Variants in CATSPERE observed in about 807,000 individuals in gnomAD.
CATSPERE encodes the protein catsper channel auxiliary subunit epsilon.
In CATSPERE, 93 loss-of-function variants were observed where a neutral mutation model predicts 114.1. The ratio of observed to expected loss-of-function variants is 0.81; its 90% CI spans 0.69 to 0.97. The LOEUF (loss-of-function observed/expected upper bound fraction) is 0.97, where lower values mean the gene tolerates loss of function less well. Ranked by LOEUF, CATSPERE falls within the 50% of genes least tolerant of loss-of-function variation. CATSPERE has a pLI of 0.00. For synonymous variants in CATSPERE, 341 were observed against 384.1 expected, an observed-to-expected ratio of 0.89 and a Z score of 1.31; for missense variants, 1,058 against 1,131.6, an observed-to-expected ratio of 0.93 and a Z score of 0.93.
intron 9 of CATSPERE, among the ~76,000 whole-genome samples, chr1:244,553,222 T>C (rs1016883086): frequency 8.5e-5 from 13 of 152,094 alleles, no homozygotes; most frequent in African/African-American, 3.1e-4. Context: ...ACTGTGTCTA[T>C]GTGTTGGTAT....
intron 8 of CATSPERE, among the ~76,000 whole-genome samples, chr1:244,536,590 A>G (rs534987085): frequency 6.6e-6 from 1 of 152,254 alleles, no homozygotes; most frequent in African/African-American, 2.4e-5. Flanking sequence ...TGTCTCCCCA[A>G]AGCACACAGA....
chr1:244,511,082 A>G (rs1675681067), intron 7 of CATSPERE, among the ~76,000 whole-genome samples: 1 of 151,966 alleles, frequency 6.6e-6, no homozygotes, highest in Non-Finnish European at 1.5e-5. Context: ...ACCTCAGGTG[A>G]TCCACCCACC....
chr1:244,572,832 A>C lies in CATSPERE; in HGVS notation c.1950+60A>C. The stretch of plus-strand genomic sequence containing the variant: ...TAATAAGTATAAAAGTATAATATTA[A>C]CATTTTTGTAAATGGATTTCCCTTC... On this transcript the variant is annotated intron_variant, in intron 11 of 21. Transcript: ENST00000366534. The C allele has an allele frequency of 6.2e-6, 7 of 1,126,940 alleles. No individual in the cohort carries two copies. The South Asian group carries it at 1.3e-4, about 20-fold the overall frequency. The allele number at this position is 1,126,940 out of a possible 1,614,324, so 69.8% of individuals were successfully genotyped here. A position where few individuals can be genotyped will look rare whatever the true frequency, so the allele number is the denominator to read the frequency against.
intron 20 of CATSPERE, among the ~76,000 whole-genome samples, chr1:244,620,303 CTCTTTT>C (rs1163627400): frequency 6.6e-6 from 1 of 152,192 alleles, no homozygotes; most frequent in African/African-American, 2.4e-5. Flanking sequence ...GGTGCTGTTT[CTCTTTT>C]AACACTGCAA....
rs946757611 is a variant in CATSPERE at position 244,585,314 on chromosome 1, T to C, written c.2085+1375T>C. On this transcript the variant is annotated intron_variant, in intron 13 of 21. Transcript: ENST00000366534. ...AGCAATGCCTATTACATAGTAATTA[T>C]CTAATATACTGGTTTCTTCCTTCTG... 3.9e-5 allele frequency among the ~76,000 whole-genome samples: 6 copies of C among 152,338 alleles called. No homozygotes were observed. The South Asian group carries it at 6.2e-4, about 16-fold the overall frequency.
At chr1:244,635,446 T>C (rs748574470) in intron 20 of CATSPERE, 43 bp from the exon 21 acceptor site, 12 of 1,417,338 alleles carry the variant, frequency 8.5e-6, no homozygotes, top group Admixed American at 3.4e-5. Flanking sequence ...TTAAAATATA[T>C]TGTACTTAGT....
At chr1:244,505,701 G>A (rs891519665) in intron 7 of CATSPERE, among the ~76,000 whole-genome samples, 18 of 151,994 alleles carry the variant, frequency 1.2e-4, no homozygotes, top group African/African-American at 3.4e-4. Context: ...ACCATAGACC[G>A]GGTGGCTTAA....
intron 8 of CATSPERE, among the ~76,000 whole-genome samples, chr1:244,529,951 C>G (rs952548085): frequency 4.6e-5 from 7 of 152,012 alleles, no homozygotes; most frequent in African/African-American, 1.4e-4. Flanking sequence ...TTCCCAGCAC[C>G]ATTTTTGTTT....
intron 2 of CATSPERE, among the ~76,000 whole-genome samples, chr1:244,475,893 C>T (rs1669268895): frequency 6.6e-6 from 1 of 152,060 alleles, no homozygotes; most frequent in Non-Finnish European, 1.5e-5. Context: ...ACATTTTATA[C>T]TTTATGACTT....
intron 8 of CATSPERE, among the ~76,000 whole-genome samples, chr1:244,545,027 C>G (rs114303062): frequency 1.0e-3 from 153 of 152,270 alleles, no homozygotes; most frequent in African/African-American, 3.7e-3. Context: ...ATCTTGGTCA[C>G]CTTTCCCTTT....
rs1667314124 is a variant in CATSPERE, at chr1:244,588,467, G to T, written c.2086-15G>T. 1.3e-6 allele frequency: 2 copies of T among 1,599,060 alleles called. No individual in the cohort carries two copies. Among genetic ancestry groups the T allele is most frequent in the African/African-American group, 1.3e-5 (1 of 74,584 alleles). ...CAGAACTGCTGAACTCACTACCTAA[G>T]TTACTTCATTTTAGGTGTTCCAAAT... is the stretch of plus-strand genomic sequence containing the variant. On this transcript the variant is annotated splice_polypyrimidine_tract_variant and intron_variant, in intron 13 of 21. Coordinates refer to ENST00000366534, the MANE Select transcript of CATSPERE (RefSeq NM_001130957.2).
At position 244,607,797 on chromosome 1, in the gene CATSPERE, C is replaced by T. The variant is rs1572982834; in HGVS notation, c.2403+2003C>T. Among the ~76,000 whole-genome samples the T allele has an allele frequency of 6.6e-6, 1 of 152,304 alleles. No individual in the cohort carries two copies. The highest frequency in any genetic ancestry group is 1.5e-5 in the Non-Finnish European group (1 of 68,024). The stretch of plus-strand genomic sequence containing the variant: ...AGAACCATCTAACCAGGGACATCTG[C>T]ACTGGGCTATATGTGATCAAGAATT... On this transcript the variant is annotated intron_variant, in intron 18 of 21. Transcript: ENST00000366534. The surrounding 1 kb of genome is among the most constrained non-coding windows in gnomAD (Gnocchi z 4.4).
chr1:244,491,357 C>T (rs377170508), intron 6 of CATSPERE, among the ~76,000 whole-genome samples: 5 of 152,002 alleles, frequency 3.3e-5, no homozygotes, highest in Non-Finnish European at 5.9e-5. Flanking sequence ...GGGTACATAA[C>T]GAAATGAAGG....
At chr1:244,508,101 A>G (rs923425217) in intron 7 of CATSPERE, among the ~76,000 whole-genome samples, 1 of 152,080 alleles carries the variant, frequency 6.6e-6, no homozygotes, top group East Asian at 1.9e-4. Context: ...TGATACTGCA[A>G]TATGGAATGT....
chr1:244,490,446 G>C lies in CATSPERE; in HGVS notation c.327-1G>C, dbSNP rs142201173. 1.6e-4 allele frequency: 253 copies of C among 1,539,014 alleles called. No individual in the cohort carries two copies. The highest frequency in any genetic ancestry group is 3.8e-5 in the Non-Finnish European group (43 of 1,117,876). On this transcript the variant is annotated splice_acceptor_variant, in intron 5 of 21. Transcript: ENST00000366534. LOFTEE classifies it high-confidence loss of function. ...AATATGTTTCCTCTTTTTCCAAGCA[G>C]ACATTTCTTTAACAACTTTACCCAG...
intron 8 of CATSPERE, among the ~76,000 whole-genome samples, chr1:244,526,643 T>C (rs955464245): frequency 2.1e-5 from 3 of 143,874 alleles, no homozygotes; most frequent in Non-Finnish European, 4.5e-5. Context: ...ATTGGCTTAG[T>C]CTTTTTCTTT....
chr1:244,559,789 C>T (rs962301134), intron 9 of CATSPERE, among the ~76,000 whole-genome samples: 2 of 152,006 alleles, frequency 1.3e-5, no homozygotes, highest in Non-Finnish European at 2.9e-5. Flanking sequence ...AAAGAGAAGG[C>T]TGATGTGCTT....
intron 17 of CATSPERE, among the ~76,000 whole-genome samples, chr1:244,601,585 T>G (rs528019899): frequency 8.6e-5 from 13 of 151,988 alleles, no homozygotes; most frequent in Admixed American, 3.3e-4. Context: ...TAAATATAAC[T>G]GGGGGTCAGA....
At chr1:244,593,609 A>G (rs1449962203) in intron 17 of CATSPERE, 31 bp downstream of exon 17, 3 of 1,560,806 alleles carry the variant, frequency 1.9e-6, no homozygotes, top group East Asian at 2.2e-5. Flanking sequence ...ATTTTAACTT[A>G]TATTGAAAGT....
Sources: gnomAD v4.1 joint callset for allele counts (sites outside exome capture counted in the v4.1 genomes callset) on GRCh38, gnomAD v4.1.1 for gene constraint, Gnocchi (gnomAD v3.1) non-coding constraint, MANE v1.5 for transcripts, NCBI Gene and HGNC (gene_info 2026-07-23, HGNC 2026-07-21) for gene names.